The following IGF1 variants were observed in gnomAD, a reference collection of about 807,000 sequenced individuals.
IGF1 encodes insulin-like growth factor 1.
In IGF1, 4 loss-of-function variants were observed where a neutral mutation model predicts 13.8. The ratio of observed to expected loss-of-function variants is 0.29; its 90% CI spans 0.14 to 0.66. IGF1 has a LOEUF of 0.66. Ranked by LOEUF, IGF1 falls within the 30% of genes least tolerant of loss-of-function variation. The pLI is 0.78. For synonymous variants in IGF1, 76 were observed against 72.6 expected (o/e 1.05, Z -0.23); for missense variants, 124 against 188.5 (o/e 0.66, Z 2.00).
At chr12:102,443,950 C>T (rs758066275) in intron 2 of IGF1, among the ~76,000 whole-genome samples, 5 of 152,028 alleles carry the variant, frequency 3.3e-5, no homozygotes, top group Non-Finnish European at 7.4e-5. Context: ...GCCTCAACCT[C>T]CTAAATAGCT....
In IGF1 at chr12:102,399,119, G is replaced by A. The variant is rs5742705; in HGVS notation, c.*3388C>T. 3,902 of 151,620 alleles carry A rather than the reference G, an allele frequency of 0.026. 57 individuals are homozygous for A. Among genetic ancestry groups the A allele is most frequent in the African/African-American group, 0.036 (1,484 of 40,818 alleles). The allele number at this position is 151,620 out of a possible 1,614,324, so 9.4% of individuals were successfully genotyped here. A position where few individuals can be genotyped will look rare whatever the true frequency, so the allele number is the denominator to read the frequency against. ...ATCCTTAGGGTGAATGTGTGTGTGTGTGTGTGTGTGTGTGTGTGTGTGTGT... is the reference window on the plus strand; with the variant it reads ...ATCCTTAGGGTGAATGTGTGTGTGTATGTGTGTGTGTGTGTGTGTGTGTGT... On this transcript the variant is annotated 3_prime_UTR_variant, in exon 4 of 4. Transcript: ENST00000337514.
At position 102,399,255 on chromosome 12, in the gene IGF1, C is replaced by A. The variant is rs1873486207; in HGVS notation, c.*3252G>T. ...GGGAACTGCCTCATCTTAAAAAGTT[C>A]AAATAATACTTTAATATTATTTGGG... is the stretch of plus-strand genomic sequence containing the variant. On this transcript the variant is annotated 3_prime_UTR_variant, in exon 4 of 4. Coordinates refer to ENST00000337514, the MANE Select transcript of IGF1 (RefSeq NM_000618.5). The A allele has an allele frequency of 6.6e-6, 1 of 152,100 alleles. No individual in the cohort carries two copies. The highest frequency in any genetic ancestry group is 1.5e-5 in the Non-Finnish European group (1 of 67,918). 9.4% of individuals were successfully genotyped at this position (152,100 alleles called of 1,614,324 possible). A position where few individuals can be genotyped will look rare whatever the true frequency, so the allele number is the denominator to read the frequency against.
At chr12:102,444,469 G>T (rs1038369448) in intron 2 of IGF1, among the ~76,000 whole-genome samples, 4 of 151,970 alleles carry the variant, frequency 2.6e-5, no homozygotes, top group Admixed American at 6.6e-5. Context: ...TGGGCAAAAA[G>T]GGGGCACCCT....
intron 2 of IGF1, among the ~76,000 whole-genome samples, chr12:102,470,345 C>T (rs1006617630): frequency 2.0e-5 from 3 of 152,198 alleles, no homozygotes; most frequent in Non-Finnish European, 4.4e-5. Context: ...CTGTTTATAA[C>T]TCTCCATCAG....
intron 2 of IGF1, 122 bp downstream of exon 2, chr12:102,475,521 G>A (rs1177433371): frequency 3.6e-6 from 4 of 1,124,912 alleles, no homozygotes; most frequent in Non-Finnish European, 4.0e-6. Context: ...GAATCTCAGA[G>A]GCCTAGGATG....
chr12:102,463,324 G>A lies in IGF1; in HGVS notation c.220+12319C>T, dbSNP rs1032216534. 5 of 152,208 alleles carry A rather than the reference G, an allele frequency of 3.3e-5. No homozygotes were observed. The East Asian group carries it at 5.8e-4, about 18-fold the overall frequency. 9.4% of individuals were successfully genotyped at this position (152,208 alleles called of 1,614,324 possible). ...GAAAGAAACATAAAACTCAAACTAC[G>A]TAGGAAAATTTAAGCTTCTTCATGG... On this transcript the variant is annotated intron_variant, in intron 2 of 3. Coordinates refer to ENST00000337514, the MANE Select transcript of IGF1 (RefSeq NM_000618.5).
At chr12:102,427,910 G>A (rs143531687) in intron 2 of IGF1, among the ~76,000 whole-genome samples, 23 of 152,228 alleles carry the variant, frequency 1.5e-4, no homozygotes, top group Admixed American at 1.2e-3. Context: ...TTGAGTGCCA[G>A]TTGGGTTGTG....
rs1873442391 is a variant in IGF1 at position 102,398,845 on chromosome 12, A to G, written c.*3662T>C. 6.6e-6 allele frequency: 1 copy of G among 151,944 alleles called. No individual in the cohort carries two copies. Among genetic ancestry groups the G allele is most frequent in the Non-Finnish European group, 1.5e-5 (1 of 67,908 alleles). The allele number at this position is 151,944 out of a possible 1,614,324, so 9.4% of individuals were successfully genotyped here. A position where few individuals can be genotyped will look rare whatever the true frequency, so the allele number is the denominator to read the frequency against. ...TTTCTTAAAGAAACAATAGCACCAC[A>G]TTGGCATAGCTGGCCAAACAATAAA... On this transcript the variant is annotated 3_prime_UTR_variant, in exon 4 of 4. Transcript: ENST00000337514.
chr12:102,434,890 A>T (rs1751445145), intron 2 of IGF1, among the ~76,000 whole-genome samples: 2 of 152,000 alleles, frequency 1.3e-5, no homozygotes, highest in South Asian at 4.2e-4. Context: ...CATTTCTCTG[A>T]TGGCCAGTGA....
intron 2 of IGF1, among the ~76,000 whole-genome samples, chr12:102,427,436 A>C (rs1876308131): frequency 6.6e-6 from 1 of 152,162 alleles, no homozygotes; most frequent in African/African-American, 2.4e-5. Flanking sequence ...GGGATATTAA[A>C]ACACATTCTC....
chr12:102,446,421 G>T (rs1013952165), intron 2 of IGF1, among the ~76,000 whole-genome samples: 29 of 152,056 alleles, frequency 1.9e-4, no homozygotes, highest in Admixed American at 1.9e-3. Flanking sequence ...GGTCTATTCA[G>T]GGATTCAACT....
At chr12:102,440,692 C>A (rs1399526529) in intron 2 of IGF1, among the ~76,000 whole-genome samples, 1 of 152,140 alleles carries the variant, frequency 6.6e-6, no homozygotes, top group Non-Finnish European at 1.5e-5. Context: ...GAAATTCTAA[C>A]AGTAGAATTT....
chr12:102,456,235 T>TGTGC (rs1879391970), intron 2 of IGF1, among the ~76,000 whole-genome samples: 1 of 140,614 alleles, frequency 7.1e-6, no homozygotes, highest in African/African-American at 2.8e-5. Context: ...TGTGTGTGTG[T>TGTGC]GTGTGTGTGT....
intron 3 of IGF1, among the ~76,000 whole-genome samples, chr12:102,403,147 C>T (rs530359313): frequency 6.6e-6 from 1 of 152,218 alleles, no homozygotes; most frequent in African/African-American, 2.4e-5. Context: ...TATTTTCTGG[C>T]TGTGTAAACT....
chr12:102,436,319 G>A (rs1360035898), intron 2 of IGF1, among the ~76,000 whole-genome samples: 5 of 152,180 alleles, frequency 3.3e-5, no homozygotes, highest in Admixed American at 2.6e-4. Context: ...AATGGAAAGC[G>A]AGAAACACAA....
rs1877829579 is a variant in IGF1 at position 102,441,936 on chromosome 12, T to TCTCCTTCTCCTTCTCCTTCTCCTTCTC, written c.221-22247_221-22246insGAGAAGGAGAAGGAGAAGGAGAAGGAG. ...TTCTCCTTCTTCTTCTTCTTCTTCT[T>TCTCCTTCTCCTTCTCCTTCTCCTTCTC]CTTCTTCTTCTTCTTCTTCTTTTTT... is the stretch of plus-strand genomic sequence containing the variant. On this transcript the variant is annotated intron_variant, in intron 2 of 3. Transcript: ENST00000337514. 2.2e-5 allele frequency among the ~76,000 whole-genome samples: 3 copies of TCTCCTTCTCCTTCTCCTTCTCCTTCTC among 136,104 alleles called. No individual in the cohort carries two copies. The Admixed American group carries it at 2.5e-4, about 11-fold the overall frequency. 89.3% of individuals were successfully genotyped at this position (136,104 alleles called of 152,430 possible).
chr12:102,417,182 T>C (rs1235649610), intron 3 of IGF1, among the ~76,000 whole-genome samples: 1 of 150,174 alleles, frequency 6.7e-6, no homozygotes, highest in African/African-American at 2.5e-5. Flanking sequence ...AGCAAACTTA[T>C]ACATCTTTTA....
intron 2 of IGF1, among the ~76,000 whole-genome samples, chr12:102,454,794 T>C (rs1257518586): frequency 2.0e-5 from 3 of 152,244 alleles, no homozygotes; most frequent in Admixed American, 1.3e-4. Context: ...TATTTGGGAA[T>C]GCAGGGATGA....
chr12:102,479,522 A>G (rs1310946255), intron 1 of IGF1, among the ~76,000 whole-genome samples: 1 of 152,226 alleles, frequency 6.6e-6, no homozygotes, highest in Non-Finnish European at 1.5e-5. Flanking sequence ...AGATTTACCT[A>G]AAGGGACTTC....
Sources: gnomAD v4.1 joint callset for allele counts (sites outside exome capture counted in the v4.1 genomes callset) on GRCh38, gnomAD v4.1.1 for gene constraint, MANE v1.5 for transcripts, NCBI Gene and HGNC (gene_info 2026-07-23, HGNC 2026-07-21) for gene names.